RGPD2: variants seen among roughly 807,000 people sequenced by gnomAD.
The protein encoded by RGPD2 is RANBP2-like and GRIP domain-containing protein 2.
A neutral mutation model predicts 36.0 loss-of-function variants in RGPD2; 2 were observed. The observed-to-expected ratio is 0.06, with a 90% CI of 0.02 to 0.17. The LOEUF (loss-of-function observed/expected upper bound fraction) is 0.17. RGPD2 is among the 10% of genes least tolerant of loss of function. The probability of loss-of-function intolerance (pLI) is 1.00; values close to 1 mark genes in which losing one functional copy is unlikely to be tolerated. For missense variants in RGPD2, 40 were observed against 464.3 expected (o/e 0.09, Z 8.40); for synonymous variants, 19 against 163.8 (o/e 0.12, Z 6.75).
intron 20 of RGPD2, among the ~76,000 whole-genome samples, chr2:87,780,550 ATTG>A (rs1685355148): frequency 6.6e-6 from 1 of 151,848 alleles, no homozygotes; most frequent in Non-Finnish European, 1.5e-5. Flanking sequence ...AAAATCAGAG[ATTG>A]TTATTTTATC....
the RGPD2 span, among the ~76,000 whole-genome samples, chr2:87,933,319 A>G: frequency 4.7e-5 from 5 of 106,270 alleles, 1 homozygote; most frequent in African/African-American, 1.8e-4. Context: ...ATTCTTCTCT[A>G]TACTGGCTAT....
the RGPD2 span, among the ~76,000 whole-genome samples, chr2:87,978,479 C>T: frequency 0.56 from 50,462 of 89,998 alleles, 15,272 homozygotes; most frequent in East Asian, 0.83. Flanking sequence ...AATATGTTGC[C>T]CAGGCTGGTC....
At chr2:87,763,320 G>T (rs574627552) in intron 22 of RGPD2, among the ~76,000 whole-genome samples, 40 of 150,424 alleles carry the variant, frequency 2.7e-4, no homozygotes, top group Middle Eastern at 3.4e-3. Context: ...AACACGTCTG[G>T]CTAATTTTTT....
upstream of RGPD2, among the ~76,000 whole-genome samples, chr2:87,829,409 T>C (rs1173491840): frequency 1.4e-5 from 2 of 148,098 alleles, no homozygotes; most frequent in African/African-American, 4.9e-5. Context: ...ATTAGATGTC[T>C]AGAACCCAAT....
the RGPD2 span, among the ~76,000 whole-genome samples, chr2:87,871,887 C>A: frequency 6.9e-6 from 1 of 144,486 alleles, no homozygotes; most frequent in Non-Finnish European, 1.5e-5. Context: ...AAAATAGATT[C>A]AAAAATGTAC....
Position 87,825,724 on chromosome 2 carries a change from C to T in RGPD2, c.6G>A (p.Arg2=). The T allele has an allele frequency of 1.3e-6, 2 of 1,599,836 alleles. No individual in the cohort carries two copies. Among genetic ancestry groups the T allele is most frequent in the South Asian group, 1.1e-5 (1 of 88,916 alleles). ...ACCGCTCCCCGTAGGCTTTGCTGCGCCTCATCGCACCGCCAACCTGGCTCC... is the reference window on the plus strand; with the variant it reads ...ACCGCTCCCCGTAGGCTTTGCTGCGTCTCATCGCACCGCCAACCTGGCTCC... M[R]RSKAYGERYL... Residue 2 remains arginine (R), a synonymous_variant, in exon 1 of 23, where the codon AGG becomes AGA. Transcript: ENST00000398146.
the RGPD2 span, among the ~76,000 whole-genome samples, chr2:87,909,307 C>T: frequency 1.4e-5 from 2 of 138,290 alleles, no homozygotes; most frequent in Admixed American, 1.5e-4. Flanking sequence ...CCTGTTTCTG[C>T]TCTTAATTGC....
the RGPD2 span, among the ~76,000 whole-genome samples, chr2:87,857,492 G>A: frequency 9.9e-5 from 15 of 151,522 alleles, no homozygotes; most frequent in East Asian, 8.0e-4. Context: ...ACAGGCGCCC[G>A]CCTCCACGCC....
the RGPD2 span, among the ~76,000 whole-genome samples, chr2:87,979,311 T>TA: frequency 1.6e-5 from 1 of 61,340 alleles, no homozygotes; most frequent in Non-Finnish European, 3.4e-5. Context: ...TATTCATGAC[T>TA]TAAAAAAAAA....
At chr2:87,769,601 G>A (rs1345946162) in intron 22 of RGPD2, among the ~76,000 whole-genome samples, 16 of 151,694 alleles carry the variant, frequency 1.1e-4, no homozygotes, top group Middle Eastern at 3.4e-3. Flanking sequence ...CGTTAGCAAC[G>A]TCTACATTAA....
At chr2:87,885,702 G>C in the RGPD2 span, among the ~76,000 whole-genome samples, 1 of 147,620 alleles carries the variant, frequency 6.8e-6, no homozygotes, top group Non-Finnish European at 1.5e-5. Flanking sequence ...TTTTTCAAAG[G>C]CTTAATAGAA....
At chr2:87,855,620 T>TG in the RGPD2 span, among the ~76,000 whole-genome samples, 1 of 146,550 alleles carries the variant, frequency 6.8e-6, no homozygotes, top group South Asian at 2.2e-4. Context: ...CACTTTTTTT[T>TG]GGGGGGGTGG....
chr2:87,877,454 C>T, the RGPD2 span, among the ~76,000 whole-genome samples: 4 of 152,218 alleles, frequency 2.6e-5, no homozygotes, highest in Non-Finnish European at 5.9e-5. Flanking sequence ...TTCTCCTTCA[C>T]TTATGGAGCT....
the RGPD2 span, among the ~76,000 whole-genome samples, chr2:87,915,634 GTA>G: frequency 6.9e-6 from 1 of 144,348 alleles, no homozygotes; most frequent in Non-Finnish European, 1.5e-5. Flanking sequence ...ATATGTGCGT[GTA>G]TATATATACA....
the RGPD2 span, among the ~76,000 whole-genome samples, chr2:87,964,885 G>C: frequency 7.3e-6 from 1 of 137,224 alleles, no homozygotes; most frequent in Non-Finnish European, 1.6e-5. Flanking sequence ...ACTTGATTGA[G>C]TCTAGGTGTT....
chr2:87,861,407 C>A, the RGPD2 span, among the ~76,000 whole-genome samples: 2 of 151,852 alleles, frequency 1.3e-5, no homozygotes, highest in Admixed American at 1.3e-4. Flanking sequence ...TTTATCATGA[C>A]CTTATTAGAA....
the RGPD2 span, among the ~76,000 whole-genome samples, chr2:87,882,159 G>A: frequency 2.0e-5 from 3 of 152,152 alleles, no homozygotes; most frequent in Non-Finnish European, 4.4e-5. Context: ...GAGATTTGGA[G>A]AGGACATCGA....
chr2:87,826,237 C>T (rs2104391489), upstream of RGPD2, among the ~76,000 whole-genome samples: 1 of 151,730 alleles, frequency 6.6e-6, no homozygotes, highest in East Asian at 1.9e-4. Context: ...AAATGGAAAT[C>T]TGATTCTAAA....
chr2:87,923,061 G>A, the RGPD2 span, among the ~76,000 whole-genome samples: 196 of 151,254 alleles, frequency 1.3e-3, no homozygotes, highest in African/African-American at 4.5e-3. Context: ...TACATTTTAA[G>A]CAAAGAGATG....
Sources: allele counts gnomAD v4.1 joint callset (sites outside exome capture counted in the v4.1 genomes callset), GRCh38; gene constraint gnomAD v4.1.1; transcripts MANE v1.5; gene names NCBI Gene and HGNC (gene_info 2026-07-23, HGNC 2026-07-21).